OTOF: variants seen among roughly 807,000 people sequenced by gnomAD.
OTOF encodes the protein fer-1-like family member 2.
A neutral mutation model predicts 236.8 loss-of-function variants in OTOF; 218 were observed. The ratio of observed to expected loss-of-function variants is 0.92; its 90% CI spans 0.82 to 1.03. OTOF has a LOEUF of 1.03. OTOF is among the 50% of genes least tolerant of loss of function. OTOF has a pLI of 0.00. For missense variants in OTOF, 2,590 were observed against 2,694.4 expected (o/e 0.96, Z 0.86); for synonymous variants, 1,041 against 1,072.5 (o/e 0.97, Z 0.57).
Position 26,501,754 on chromosome 2 carries a change from C to A in OTOF, c.765G>T (p.Gln255His), listed in dbSNP as rs397515611. 6.2e-7 allele frequency: 1 copy of A among 1,612,018 alleles called. No homozygotes were observed. The highest frequency in any genetic ancestry group is 8.5e-7 in the Non-Finnish European group (1 of 1,178,050). ...EPSAGRPMDY[Q>H]VSITVIEARQ... ...ATGAGGCCTCCAGGTGCCCACCTAC[C>A]TGGTAATCCATGGGCCGCCCAGCAC... The change falls in exon 8 of 47, where the codon CAG (glutamine) becomes CAT (histidine). Residue 255 changes from glutamine (Q) to histidine (H), a missense_variant and splice_region_variant. Coordinates refer to ENST00000272371, the MANE Select transcript of OTOF (RefSeq NM_194248.3).
intron 1 of OTOF, among the ~76,000 whole-genome samples, chr2:26,546,761 T>TA (rs562016182): frequency 3.5e-4 from 53 of 152,010 alleles, no homozygotes; most frequent in South Asian, 1.0e-3. Flanking sequence ...TTTTTTTTTT[T>TA]TTATTTCTCT....
At chr2:26,482,658 T>C (rs1433026037) in intron 13 of OTOF, 66 bp from the exon 14 acceptor site, 23 of 1,385,124 alleles carry the variant, frequency 1.7e-5, no homozygotes, top group Non-Finnish European at 1.9e-5. Context: ...TGTGTGTGTG[T>C]GTGAGTGGGC....
chr2:26,463,884 C>G, intron 40 of OTOF, 80 bp downstream of exon 40: 1 of 1,585,916 alleles, frequency 6.3e-7, no homozygotes, highest in Non-Finnish European at 8.7e-7. Flanking sequence ...TGAGGCCTGG[C>G]TTCTACCTTT....
chr2:26,457,918 G>A lies in OTOF; in HGVS notation c.*320C>T. ...CCCCCGCAAGCAGGAGGCAGGCTCGGCCCAAGGCATGAAGAGTGGACGCTG... is the reference window on the plus strand; with the variant it reads ...CCCCCGCAAGCAGGAGGCAGGCTCGACCCAAGGCATGAAGAGTGGACGCTG... On this transcript the variant is annotated 3_prime_UTR_variant, in exon 47 of 47. Transcript: ENST00000272371. This position sits in a 1 kb window ranked among gnomAD's most constrained non-coding sequence, Gnocchi z 4.4. 9.6e-7 allele frequency: 1 copy of A among 1,042,566 alleles called. No homozygotes were observed. The highest frequency in any genetic ancestry group is 1.6e-5 in the African/African-American group (1 of 63,112). The allele number at this position is 1,042,566 out of a possible 1,614,324, so 64.6% of individuals were successfully genotyped here.
chr2:26,490,352 A>T (rs1457987161), intron 9 of OTOF, among the ~76,000 whole-genome samples: 1 of 152,246 alleles, frequency 6.6e-6, no homozygotes, highest in Non-Finnish European at 1.5e-5. Context: ...CGCAAGCCTC[A>T]GAGCAGATGA....
chr2:26,496,320 C>T (rs1314350938), intron 8 of OTOF, among the ~76,000 whole-genome samples: 1 of 151,658 alleles, frequency 6.6e-6, no homozygotes, highest in Non-Finnish European at 1.5e-5. Context: ...CTGCAGCCTC[C>T]ACCTCCTGGG....
chr2:26,547,746 C>A (rs1414344477), intron 1 of OTOF, among the ~76,000 whole-genome samples: 1 of 152,134 alleles, frequency 6.6e-6, no homozygotes, highest in African/African-American at 2.4e-5. Flanking sequence ...GAGGCTGAGG[C>A]AGGAGAATCA....
At chr2:26,458,345 G>T in intron 46 of OTOF, 125 bp from the exon 47 acceptor site, 1 of 989,396 alleles carries the variant, frequency 1.0e-6, no homozygotes, top group Non-Finnish European at 1.6e-6. Flanking sequence ...AGCAGTGAAT[G>T]CTGGAGCCAG....
intron 8 of OTOF, among the ~76,000 whole-genome samples, chr2:26,500,335 G>A (rs1434318710): frequency 1.3e-5 from 2 of 152,194 alleles, no homozygotes; most frequent in Non-Finnish European, 2.9e-5. Flanking sequence ...GCCTGGCATA[G>A]AATAAACCTT....
At chr2:26,487,849 T>C (rs1054178744) in intron 11 of OTOF, among the ~76,000 whole-genome samples, 11 of 152,168 alleles carry the variant, frequency 7.2e-5, no homozygotes, top group Admixed American at 5.2e-4. Flanking sequence ...CTGCTCCCCA[T>C]GGCACTGATG....
chr2:26,538,667 C>T (rs941658447), intron 1 of OTOF, among the ~76,000 whole-genome samples: 12 of 152,130 alleles, frequency 7.9e-5, no homozygotes, highest in East Asian at 1.9e-4. Context: ...GAGAAACAGC[C>T]GCTGGAGTCT....
rs570795207 is a variant in OTOF, at chr2:26,537,887, C to G, written c.80-113G>C. 21 of 799,858 alleles carry G rather than the reference C, an allele frequency of 2.6e-5. No homozygotes were observed. The South Asian group carries it at 3.0e-4, about 12-fold the overall frequency. 49.5% of individuals were successfully genotyped at this position (799,858 alleles called of 1,614,324 possible). ...TAACAGCATTTGACTTTTCATGCAA[C>G]ATGGGACCTCGTGGCTTGCTCACCT... is the stretch of plus-strand genomic sequence containing the variant. On this transcript the variant is annotated intron_variant, in intron 1 of 46. Transcript: ENST00000272371.
intron 30 of OTOF, among the ~76,000 whole-genome samples, chr2:26,472,002 C>T (rs1332781782): frequency 6.6e-6 from 1 of 151,926 alleles, no homozygotes; most frequent in Non-Finnish European, 1.5e-5. Context: ...CATATGCACA[C>T]ACCACATGCA....
chr2:26,459,526 T>C (rs1030659647), intron 46 of OTOF, among the ~76,000 whole-genome samples: 23 of 128,744 alleles, frequency 1.8e-4, no homozygotes, highest in African/African-American at 7.1e-4. Flanking sequence ...CACTCTAGCC[T>C]GGGCGACAGA....
intron 37 of OTOF, 25 bp from the exon 38 acceptor site, chr2:26,465,867 G>A (rs1212947279): frequency 6.2e-7 from 1 of 1,614,220 alleles, no homozygotes; most frequent in Admixed American, 1.7e-5. Flanking sequence ...TTAGGAGAAG[G>A]GCTTAAGGAT....
chr2:26,510,053 C>T (rs995725685), intron 5 of OTOF, among the ~76,000 whole-genome samples: 7 of 152,286 alleles, frequency 4.6e-5, no homozygotes, highest in African/African-American at 1.4e-4. Context: ...ATTCACAACT[C>T]CCAGCCTTCG....
chr2:26,468,283 T>G, intron 33 of OTOF, 125 bp downstream of exon 33: 1 of 785,282 alleles, frequency 1.3e-6, no homozygotes, highest in Non-Finnish European at 2.3e-6. Context: ...TGATGCTGCT[T>G]CCCTGGCTAC....
intron 1 of OTOF, among the ~76,000 whole-genome samples, chr2:26,538,794 G>A (rs1667139559): frequency 6.7e-6 from 1 of 149,862 alleles, no homozygotes; most frequent in Non-Finnish European, 1.5e-5. Context: ...AGCCAACAGG[G>A]CACCAGTGCA....
intron 1 of OTOF, among the ~76,000 whole-genome samples, chr2:26,556,174 C>G (rs1667580895): frequency 6.6e-6 from 1 of 152,338 alleles, no homozygotes; most frequent in Admixed American, 6.5e-5. Flanking sequence ...GACTTTCACT[C>G]AAAAGCCTTG....
Sources: gnomAD v4.1 joint callset for allele counts (sites outside exome capture counted in the v4.1 genomes callset) on GRCh38, gnomAD v4.1.1 for gene constraint, Gnocchi (gnomAD v3.1) non-coding constraint, MANE v1.5 for transcripts, NCBI Gene and HGNC (gene_info 2026-07-23, HGNC 2026-07-21) for gene names.